ZNF782: variants seen among roughly 807,000 people sequenced by gnomAD.
The protein encoded by ZNF782 is zinc finger protein 782.
Under a neutral mutation model 13.0 loss-of-function variants are expected in ZNF782, and 12 were observed. The ratio of observed to expected loss-of-function variants is 0.92; its 90% CI spans 0.59 to 1.50. ZNF782 has a LOEUF of 1.50. ZNF782 is among the 40% of genes most tolerant of loss of function. The probability of loss-of-function intolerance (pLI) is 0.00; values close to 1 mark genes in which losing one functional copy is unlikely to be tolerated. For synonymous variants in ZNF782, 284 were observed against 283.0 expected, an observed-to-expected ratio of 1.00 and a Z score of -0.04; for missense variants, 770 against 822.9, an observed-to-expected ratio of 0.94 and a Z score of 0.79.
upstream of ZNF782, among the ~76,000 whole-genome samples, chr9:96,858,632 C>T (rs916877034): frequency 5.3e-5 from 8 of 152,104 alleles, no homozygotes; most frequent in African/African-American, 1.2e-4. This position sits in a 1 kb window ranked among gnomAD's most constrained non-coding sequence, Gnocchi z 4.4. Flanking sequence ...TTGTGGGTGA[C>T]GCTTAGGAAA....
At chr9:96,861,230 A>C (rs1346529310) in intron 2 of ZNF782, among the ~76,000 whole-genome samples, 1 of 152,210 alleles carries the variant, frequency 6.6e-6, no homozygotes, top group East Asian at 1.9e-4. Context: ...CCAAAGCAAA[A>C]ATGGGCAAAT....
At chr9:96,898,291 G>A in the ZNF782 span, among the ~76,000 whole-genome samples, 2 of 148,866 alleles carry the variant, frequency 1.3e-5, no homozygotes, top group African/African-American at 5.1e-5. Context: ...TACCCATCAA[G>A]CAGTCACTCG....
chr9:96,881,480 T>G, the ZNF782 span, among the ~76,000 whole-genome samples: 1 of 152,250 alleles, frequency 6.6e-6, no homozygotes, highest in South Asian at 2.1e-4. Flanking sequence ...GGATGAGTGA[T>G]CAACCAATAG....
At chr9:96,920,682 C>T in the ZNF782 span, among the ~76,000 whole-genome samples, 15 of 149,014 alleles carry the variant, frequency 1.0e-4, no homozygotes, top group East Asian at 6.1e-4. Flanking sequence ...TTTGGGAGGC[C>T]GAGGCAGGCG....
At chr9:96,843,623 CAT>C (rs1411308590) in intron 4 of ZNF782, among the ~76,000 whole-genome samples, 2 of 152,130 alleles carry the variant, frequency 1.3e-5, no homozygotes, top group East Asian at 1.9e-4. Context: ...TCAATCTCCA[CAT>C]GTGATAAAAT....
At chr9:96,822,439 G>C (rs1044947996) in intron 5 of ZNF782, among the ~76,000 whole-genome samples, 1 of 151,946 alleles carries the variant, frequency 6.6e-6, no homozygotes, top group African/African-American at 2.4e-5. Flanking sequence ...CATCTATCAA[G>C]TAGGTTGTGA....
the ZNF782 span, among the ~76,000 whole-genome samples, chr9:96,924,400 CAT>C: frequency 5.7e-5 from 4 of 70,332 alleles, no homozygotes; most frequent in African/African-American, 2.3e-4. Context: ...AGATATAATA[CAT>C]GTGTAGTCTA....
At chr9:96,871,101 C>T (rs1851820390) in intron 1 of ZNF782, among the ~76,000 whole-genome samples, 1 of 152,016 alleles carries the variant, frequency 6.6e-6, no homozygotes, top group Admixed American at 6.6e-5. Flanking sequence ...AAGATGTTTT[C>T]ATAGTGCCAA....
chr9:96,827,279 G>A, intron 4 of ZNF782, 98 bp from the exon 5 acceptor site: 1 of 745,938 alleles, frequency 1.3e-6, no homozygotes, highest in Non-Finnish European at 2.1e-6. Flanking sequence ...CATATTCAGG[G>A]TGCTCACTGG....
chr9:96,820,016 T>A (rs1057358311), intron 5 of ZNF782, among the ~76,000 whole-genome samples: 1 of 152,084 alleles, frequency 6.6e-6, no homozygotes, highest in African/African-American at 2.4e-5. Context: ...CATCTTAAAA[T>A]AGAATTTTCA....
chr9:96,897,306 C>T, the ZNF782 span, among the ~76,000 whole-genome samples: 1 of 152,198 alleles, frequency 6.6e-6, no homozygotes, highest in Non-Finnish European at 1.5e-5. Flanking sequence ...TGGCTCTTTT[C>T]ATATCATCTC....
chr9:96,819,431 G>A lies in ZNF782; in HGVS notation c.592C>T (p.His198Tyr), dbSNP rs1850327553. 2 of 1,613,526 alleles carry A rather than the reference G, an allele frequency of 1.2e-6. No individual in the cohort carries two copies. Among genetic ancestry groups the A allele is most frequent in the Admixed American group, 1.7e-5 (1 of 59,902 alleles). The change falls in exon 6 of 6, where the codon CAT becomes TAT. Residue 198 changes from histidine (H) to tyrosine (Y), a missense_variant. His to Tyr is a moderately conservative substitution (Grantham distance 83). Coordinates refer to ENST00000481138, the MANE Select transcript of ZNF782 (RefSeq NM_001001662.3). ...TGATGTTGAATAACTTCCTCCTTAT[G>A]ATGGAGGGTTTTCACAATTTTACTA... Reference protein sequence around the residue: ...AYSKIVKTLHHKEEVIQHQTI... With the variant: ...AYSKIVKTLHYKEEVIQHQTI...
At chr9:96,927,317 A>G in the ZNF782 span, among the ~76,000 whole-genome samples, 3 of 152,086 alleles carry the variant, frequency 2.0e-5, no homozygotes, top group African/African-American at 7.2e-5. Context: ...TAACTCCTGG[A>G]GAAACCAGAG....
chr9:96,931,769 C>A, the ZNF782 span: 2 of 1,611,660 alleles, frequency 1.2e-6, no homozygotes, highest in African/African-American at 1.3e-5. Flanking sequence ...TGGCACCTCC[C>A]TGTCTGTGTT....
the ZNF782 span, among the ~76,000 whole-genome samples, chr9:96,925,844 C>T: frequency 2.7e-5 from 4 of 148,846 alleles, no homozygotes; most frequent in Non-Finnish European, 4.4e-5. Context: ...AGCATGGAGC[C>T]GCCATTCCTC....
At chr9:96,887,281 AAAAGAAAGGAAGGAAGGAAGGAAG>A in the ZNF782 span, 7 of 122,576 alleles carry the variant, frequency 5.7e-5, no homozygotes, top group East Asian at 1.7e-3. Flanking sequence ...TCCATTGCAA[AAAAGAAAGGAAGGAAGGAAGGAAG>A]GAAGGAAGGA....
At chr9:96,916,031 C>T in the ZNF782 span, among the ~76,000 whole-genome samples, 1 of 151,484 alleles carries the variant, frequency 6.6e-6, no homozygotes, top group Non-Finnish European at 1.5e-5. Context: ...GAGAATCAGA[C>T]TTAGGGAAAG....
the ZNF782 span, among the ~76,000 whole-genome samples, chr9:96,930,581 C>T: frequency 6.7e-6 from 1 of 148,664 alleles, no homozygotes; most frequent in Non-Finnish European, 1.5e-5. Flanking sequence ...GATAGCCCTG[C>T]TGCTCACCAT....
upstream of ZNF782, among the ~76,000 whole-genome samples, chr9:96,878,386 GTTTC>G (rs1025925893): frequency 1.3e-5 from 2 of 152,158 alleles, no homozygotes; most frequent in Non-Finnish European, 2.9e-5. Context: ...ACATTTAAAC[GTTTC>G]TTTAAAAAAT....
Sources: gnomAD v4.1 joint callset for allele counts (sites outside exome capture counted in the v4.1 genomes callset) on GRCh38, gnomAD v4.1.1 for gene constraint, Gnocchi (gnomAD v3.1) non-coding constraint, MANE v1.5 for transcripts, NCBI Gene and HGNC (gene_info 2026-07-23, HGNC 2026-07-21) for gene names.